SRPK2: variants seen among roughly 807,000 people sequenced by gnomAD.
The protein encoded by SRPK2 is SFRS protein kinase 2.
Under a neutral mutation model 90.8 loss-of-function variants are expected in SRPK2, and 21 were observed. That is an observed-to-expected ratio of 0.23 (90% confidence interval 0.16 to 0.33). The LOEUF (loss-of-function observed/expected upper bound fraction) is 0.33, where lower values mean the gene tolerates loss of function less well. Among genes scored for constraint, SRPK2 ranks in the 10% least tolerant of loss-of-function variants. SRPK2 has a pLI of 1.00. For synonymous variants in SRPK2, 288 were observed against 311.1 expected (o/e 0.93, Z 0.78); for missense variants, 620 against 869.0 (o/e 0.71, Z 3.60).
intron 2 of SRPK2, among the ~76,000 whole-genome samples, chr7:105,247,515 A>AACACGCACACACACAAACACAC (rs1380143242): frequency 1.7e-4 from 16 of 92,642 alleles, no homozygotes; most frequent in African/African-American, 5.3e-4. Context: ...CATACCAAAA[A>AACACGCACACACACAAACACAC]ACACACACAC....
intron 2 of SRPK2, among the ~76,000 whole-genome samples, chr7:105,211,362 C>T: frequency 6.6e-6 from 1 of 151,816 alleles, no homozygotes; most frequent in East Asian, 1.9e-4. Flanking sequence ...TCCATTCGTG[C>T]ATTGCTATAA....
intron 2 of SRPK2, among the ~76,000 whole-genome samples, chr7:105,360,924 G>A (rs1436478298): frequency 6.6e-6 from 1 of 152,156 alleles, no homozygotes; most frequent in African/African-American, 2.4e-5. Context: ...CACAAGACAA[G>A]GATGTCCTCT....
intron 2 of SRPK2, among the ~76,000 whole-genome samples, chr7:105,249,832 A>C (rs1380306591): frequency 6.6e-6 from 1 of 152,250 alleles, no homozygotes; most frequent in Non-Finnish European, 1.5e-5. Context: ...TTTAACTTCC[A>C]AAACCTCAAC....
intron 2 of SRPK2, among the ~76,000 whole-genome samples, chr7:105,365,700 G>C (rs1818965391): frequency 6.6e-6 from 1 of 151,586 alleles, no homozygotes; most frequent in Non-Finnish European, 1.5e-5. Flanking sequence ...TCGGGGGACT[G>C]AGATGGGAGG....
chr7:105,339,060 G>A (rs1815443638), intron 2 of SRPK2, among the ~76,000 whole-genome samples: 1 of 152,108 alleles, frequency 6.6e-6, no homozygotes. Flanking sequence ...CAATAATTTT[G>A]AGAAAGTGTC....
At chr7:105,115,303 T>C (rs1173508695), downstream of SRPK2, 2 of 152,198 alleles carry the variant, frequency 1.3e-5, no homozygotes, top group African/African-American at 2.4e-5. Context: ...TAACTAGTTA[T>C]GTATGGTCCA....
At chr7:105,150,738 A>G (rs1375134265) in intron 7 of SRPK2, among the ~76,000 whole-genome samples, 1 of 152,218 alleles carries the variant, frequency 6.6e-6, no homozygotes, top group African/African-American at 2.4e-5. Flanking sequence ...AAAGTACAAG[A>G]AATTAATGGA....
intron 3 of SRPK2, among the ~76,000 whole-genome samples, chr7:105,188,678 G>A (rs764254339): frequency 1.3e-5 from 2 of 152,266 alleles, no homozygotes; most frequent in East Asian, 1.9e-4. Flanking sequence ...CAATTCTACT[G>A]AATCCAGAAC....
rs184519322 is a variant in SRPK2 at position 105,258,325 on chromosome 7, G to A, written c.72-54540C>T. Among the ~76,000 whole-genome samples, 527 of 149,870 alleles carry A rather than the reference G, an allele frequency of 3.5e-3. 5 individuals carry two copies. The highest frequency in any genetic ancestry group is 6.2e-3 in the Non-Finnish European group (422 of 67,736). ...TCAGCTACTCGGGAGGCTGAGACAG[G>A]AGAATTGCTTGAACCCGGGAGGCAG... On this transcript the variant is annotated intron_variant, in intron 2 of 15. Coordinates refer to ENST00000393651, the MANE Select transcript of SRPK2 (RefSeq NM_182692.3).
intron 2 of SRPK2, among the ~76,000 whole-genome samples, chr7:105,242,282 C>T (rs776139556): frequency 1.3e-5 from 2 of 152,106 alleles, no homozygotes; most frequent in Non-Finnish European, 2.9e-5. Flanking sequence ...GAGGCTGAGG[C>T]GGCTGGAATG....
At chr7:105,252,018 G>T (rs1277304856) in intron 2 of SRPK2, among the ~76,000 whole-genome samples, 1 of 152,112 alleles carries the variant, frequency 6.6e-6, no homozygotes, top group African/African-American at 2.4e-5. Context: ...GAACATTTAA[G>T]AAACTACACT....
chr7:105,314,209 G>A (rs1202086326), intron 2 of SRPK2, among the ~76,000 whole-genome samples: 1 of 151,780 alleles, frequency 6.6e-6, no homozygotes, highest in Non-Finnish European at 1.5e-5. Flanking sequence ...GCACATGCCT[G>A]TAATCCAAGC....
intron 3 of SRPK2, chr7:105,189,765 A>C (rs142035972): frequency 1.3e-5 from 2 of 152,700 alleles, no homozygotes; most frequent in African/African-American, 2.4e-5. Context: ...AAGATAAAGA[A>C]AAGGAAAAAC....
At chr7:105,303,729 G>A (rs560833659) in intron 2 of SRPK2, among the ~76,000 whole-genome samples, 1 of 152,064 alleles carries the variant, frequency 6.6e-6, no homozygotes, top group South Asian at 2.1e-4. Context: ...CTCATCTTTC[G>A]TAAACCTGTT....
At chr7:105,139,298 C>T (rs1180631236) in intron 11 of SRPK2, among the ~76,000 whole-genome samples, 1 of 152,112 alleles carries the variant, frequency 6.6e-6, no homozygotes, top group Non-Finnish European at 1.5e-5. Context: ...TAAGGAACCT[C>T]CATAATAGGA....
At chr7:105,202,106 C>T (rs191311086) in intron 3 of SRPK2, among the ~76,000 whole-genome samples, 14 of 152,312 alleles carry the variant, frequency 9.2e-5, no homozygotes, top group African/African-American at 3.4e-4. Flanking sequence ...GTAAGATCTA[C>T]ACTCTTTTCT....
intron 1 of SRPK2, among the ~76,000 whole-genome samples, chr7:105,395,614 C>A (rs1822300724): frequency 6.6e-6 from 1 of 152,066 alleles, no homozygotes; most frequent in Non-Finnish European, 1.5e-5. Flanking sequence ...CCTGTAATCC[C>A]AGCCACTCAG....
At chr7:105,313,048 G>A (rs1811896211) in intron 2 of SRPK2, among the ~76,000 whole-genome samples, 2 of 152,134 alleles carry the variant, frequency 1.3e-5, no homozygotes, top group South Asian at 4.1e-4. Flanking sequence ...GTAGGCAATG[G>A]TCAGTGGGCA....
intron 2 of SRPK2, among the ~76,000 whole-genome samples, chr7:105,353,181 T>C (rs1343722892): frequency 6.6e-6 from 1 of 152,198 alleles, no homozygotes; most frequent in Non-Finnish European, 1.5e-5. Context: ...AAAAGTAAGA[T>C]AGCACAGTTG....
Sources: gnomAD v4.1 joint callset for allele counts (sites outside exome capture counted in the v4.1 genomes callset) on GRCh38, gnomAD v4.1.1 for gene constraint, MANE v1.5 for transcripts, NCBI Gene and HGNC (gene_info 2026-07-23, HGNC 2026-07-21) for gene names.